Variants in BABAM2 observed in about 807,000 individuals in gnomAD.
BABAM2 encodes the protein BRISC and BRCA1 A complex member 2, also known as BRISC and BRCA1-A complex member 2.
A neutral mutation model predicts 54.7 loss-of-function variants in BABAM2; 31 were observed. The observed-to-expected ratio is 0.57, with a 90% CI of 0.43 to 0.77. The LOEUF is 0.77. BABAM2 is among the 30% of genes least tolerant of loss of function. The pLI is 0.00. For missense variants in BABAM2, 364 were observed against 455.8 expected (o/e 0.80, Z 1.83); for synonymous variants, 167 against 162.9 (o/e 1.03, Z -0.19).
chr2:28,171,035 AAAGGT>A (rs1458241496), intron 7 of BABAM2, among the ~76,000 whole-genome samples: 1 of 152,182 alleles, frequency 6.6e-6, no homozygotes, highest in Non-Finnish European at 1.5e-5. Context: ...ATGAATATAC[AAAGGT>A]ATGTGAACAT....
intron 3 of BABAM2, chr2:27,930,358 T>C (rs750710063): frequency 4.8e-5 from 8 of 166,058 alleles, no homozygotes; most frequent in South Asian, 3.0e-4. Context: ...GAGTCCTACC[T>C]CAAAAACTCT....
chr2:28,254,973 G>A (rs1417609652), intron 10 of BABAM2, among the ~76,000 whole-genome samples: 1 of 152,002 alleles, frequency 6.6e-6, no homozygotes, highest in Non-Finnish European at 1.5e-5. Context: ...CTGGCCTCTA[G>A]TGAACCTCCC....
At chr2:28,241,205 T>G in intron 8 of BABAM2, 118 bp from the exon 9 acceptor site, 1 of 920,536 alleles carries the variant, frequency 1.1e-6, no homozygotes, top group South Asian at 1.5e-5. Context: ...ATGTAGGTAG[T>G]GGGAATACCG....
intron 10 of BABAM2, among the ~76,000 whole-genome samples, chr2:28,265,704 G>A (rs1260390868): frequency 2.0e-5 from 3 of 151,988 alleles, no homozygotes; most frequent in East Asian, 1.9e-4. Context: ...CCCTACTCTT[G>A]GAACTAAGCC....
intron 5 of BABAM2, among the ~76,000 whole-genome samples, chr2:28,025,930 A>T (rs796163823): frequency 1.3e-5 from 2 of 152,274 alleles, no homozygotes; most frequent in African/African-American, 4.8e-5. Flanking sequence ...TCTTCCCAGA[A>T]CCTTATGTAC....
chr2:28,125,682 C>G (rs1313140540), intron 6 of BABAM2, among the ~76,000 whole-genome samples: 1 of 152,116 alleles, frequency 6.6e-6, no homozygotes, highest in African/African-American at 2.4e-5. Context: ...AGTTTTAATT[C>G]TCTATTTAAA....
chr2:28,315,768 C>G (rs1442246802), intron 11 of BABAM2, among the ~76,000 whole-genome samples: 3 of 151,936 alleles, frequency 2.0e-5, no homozygotes, highest in Non-Finnish European at 4.4e-5. Context: ...GCAGGGATTA[C>G]AGGCATAAGC....
upstream of BABAM2, chr2:27,890,179 A>G: frequency 7.0e-7 from 1 of 1,423,564 alleles, no homozygotes; most frequent in Non-Finnish European, 9.8e-7. The surrounding 1 kb of genome is among the most constrained non-coding windows in gnomAD (Gnocchi z 4.8). Flanking sequence ...CCCAGCGCCC[A>G]AAAGCTCCAC....
intron 3 of BABAM2, among the ~76,000 whole-genome samples, chr2:27,977,830 C>G (rs1671706037): frequency 6.6e-6 from 1 of 152,110 alleles, no homozygotes; most frequent in East Asian, 1.9e-4. Context: ...TAAGAGGTGA[C>G]TCCTAGTGGG....
intron 4 of BABAM2, among the ~76,000 whole-genome samples, chr2:28,002,307 C>T (rs1673633980): frequency 6.6e-6 from 1 of 152,120 alleles, no homozygotes; most frequent in African/African-American, 2.4e-5. Flanking sequence ...TGAGACTTGT[C>T]TTGACTTTCC....
chr2:28,156,282 G>A (rs1672536172), intron 7 of BABAM2, among the ~76,000 whole-genome samples: 1 of 152,072 alleles, frequency 6.6e-6, no homozygotes. Context: ...AGTTATGAAT[G>A]CCCCTTTTTG....
intron 3 of BABAM2, among the ~76,000 whole-genome samples, chr2:27,931,659 G>A (rs1411821417): frequency 6.6e-6 from 1 of 151,896 alleles, no homozygotes; most frequent in Non-Finnish European, 1.5e-5. Flanking sequence ...CACAGTTAAT[G>A]AATAACCCCT....
At chr2:28,117,801 A>G (rs899796548) in intron 6 of BABAM2, among the ~76,000 whole-genome samples, 8 of 152,182 alleles carry the variant, frequency 5.3e-5, no homozygotes, top group Non-Finnish European at 1.0e-4. Flanking sequence ...GGTGGGGTCT[A>G]GAAGAGAGAG....
At chr2:28,260,941 C>CTTTTT (rs34766123) in intron 10 of BABAM2, among the ~76,000 whole-genome samples, 12 of 110,794 alleles carry the variant, frequency 1.1e-4, no homozygotes, top group African/African-American at 2.5e-4. Context: ...CATTTTCTTT[C>CTTTTT]TTTTTTTTTT....
At chr2:28,083,970 C>T (rs1013404069) in intron 6 of BABAM2, among the ~76,000 whole-genome samples, 4 of 152,122 alleles carry the variant, frequency 2.6e-5, no homozygotes, top group African/African-American at 9.7e-5. Flanking sequence ...ATTTTAGTAA[C>T]ATTTTGTTAT....
chr2:28,144,282 G>T (rs1671311292), intron 7 of BABAM2, among the ~76,000 whole-genome samples: 1 of 152,078 alleles, frequency 6.6e-6, no homozygotes, highest in South Asian at 2.1e-4. Context: ...AATGTTCAGG[G>T]ACCCCAATTT....
At chr2:28,107,822 A>G (rs992399266) in intron 6 of BABAM2, among the ~76,000 whole-genome samples, 3 of 152,230 alleles carry the variant, frequency 2.0e-5, no homozygotes, top group African/African-American at 7.2e-5. Flanking sequence ...GTGTTGCCCA[A>G]CACATAGTGG....
At chr2:27,899,076 C>T (rs1372547071) in intron 2 of BABAM2, among the ~76,000 whole-genome samples, 1 of 151,748 alleles carries the variant, frequency 6.6e-6, no homozygotes, top group Non-Finnish European at 1.5e-5. Flanking sequence ...CCAGCCTAGG[C>T]AACATAGCTA....
At chr2:28,190,702 G>T (rs996754326) in intron 7 of BABAM2, among the ~76,000 whole-genome samples, 4 of 152,110 alleles carry the variant, frequency 2.6e-5, no homozygotes, top group Middle Eastern at 3.4e-3. Context: ...ACAAGGGGGG[G>T]GCGGTGCTGT....
Sources: gnomAD v4.1 joint callset for allele counts (sites outside exome capture counted in the v4.1 genomes callset) on GRCh38, gnomAD v4.1.1 for gene constraint, Gnocchi (gnomAD v3.1) non-coding constraint, MANE v1.5 for transcripts, NCBI Gene and HGNC (gene_info 2026-07-23, HGNC 2026-07-21) for gene names.